Variants in PNLIPRP3 observed in about 807,000 individuals in gnomAD.
PNLIPRP3 encodes the protein pancreatic lipase-related protein 3.
Under a neutral mutation model 52.8 loss-of-function variants are expected in PNLIPRP3, and 58 were observed. The ratio of observed to expected loss-of-function variants is 1.10; its 90% CI spans 0.89 to 1.37. The LOEUF (loss-of-function observed/expected upper bound fraction) is 1.37. Among genes scored for constraint, PNLIPRP3 ranks in the 40% most tolerant of loss-of-function variants. The pLI, the probability that PNLIPRP3 is intolerant of heterozygous loss-of-function variation, is 0.00. For missense variants in PNLIPRP3, 593 were observed against 561.6 expected (o/e 1.06, Z -0.57); for synonymous variants, 192 against 185.0 (o/e 1.04, Z -0.31).
chr10:116,460,662 C>T (rs569654630), intron 5 of PNLIPRP3, among the ~76,000 whole-genome samples: 1 of 152,034 alleles, frequency 6.6e-6, no homozygotes, highest in African/African-American at 2.4e-5. Flanking sequence ...TTTCAAGAAC[C>T]TTTGTAATTC....
intron 3 of PNLIPRP3, among the ~76,000 whole-genome samples, 197 bp from the exon 4 acceptor site, chr10:116,444,185 C>T (rs1845907776): frequency 6.6e-6 from 1 of 151,994 alleles, no homozygotes; most frequent in African/African-American, 2.4e-5. Flanking sequence ...TCAATTACCT[C>T]GACCTGGTCT....
At chr10:116,467,297 CAGG>C (rs1388888979) in intron 8 of PNLIPRP3, among the ~76,000 whole-genome samples, 1 of 152,096 alleles carries the variant, frequency 6.6e-6, no homozygotes, top group East Asian at 1.9e-4. Context: ...GAGGTTGATG[CAGG>C]AGATCTCTTA....
chr10:116,433,375 T>C (rs1032530010), intron 1 of PNLIPRP3, among the ~76,000 whole-genome samples: 3 of 152,156 alleles, frequency 2.0e-5, no homozygotes, highest in South Asian at 2.1e-4. Context: ...AAACAAACTT[T>C]AGAAAAATAT....
At chr10:116,477,006 T>G in intron 11 of PNLIPRP3, 84 bp from the exon 12 acceptor site, 1 of 1,250,824 alleles carries the variant, frequency 8.0e-7, no homozygotes, top group South Asian at 1.3e-5. Flanking sequence ...TAAGAATTAC[T>G]CATTAAATCG....
intron 2 of PNLIPRP3, among the ~76,000 whole-genome samples, chr10:116,437,764 C>T: frequency 6.6e-6 from 1 of 152,110 alleles, no homozygotes; most frequent in East Asian, 1.9e-4. Context: ...CCACATGTGA[C>T]TATTAAAATT....
In PNLIPRP3 at chr10:116,428,793, G is replaced by A. The variant is rs188603104; in HGVS notation, c.49+732G>A. ...CAAACTAGAATCAAATAATTTTAATGTTGAAAGAGATCAACCCCTTTGTTG... is the reference window on the plus strand; with the variant it reads ...CAAACTAGAATCAAATAATTTTAATATTGAAAGAGATCAACCCCTTTGTTG... On this transcript the variant is annotated intron_variant, in intron 1 of 11. Transcript: ENST00000369230. Among the ~76,000 whole-genome samples, 170 of 152,236 alleles carry A rather than the reference G, an allele frequency of 1.1e-3. 2 individuals carry two copies. Among genetic ancestry groups the A allele is most frequent in the African/African-American group, 3.8e-3 (157 of 41,562 alleles).
At chr10:116,465,579 C>G (rs183748356) in intron 7 of PNLIPRP3, among the ~76,000 whole-genome samples, 1 of 152,064 alleles carries the variant, frequency 6.6e-6, no homozygotes, top group East Asian at 1.9e-4. Flanking sequence ...AAACCTTGTT[C>G]AGAAAGAACC....
intron 2 of PNLIPRP3, among the ~76,000 whole-genome samples, chr10:116,441,251 G>T (rs1845854074): frequency 6.6e-6 from 1 of 152,100 alleles, no homozygotes; most frequent in Non-Finnish European, 1.5e-5. Flanking sequence ...AGCATACCTG[G>T]ATGGAAAACA....
chr10:116,469,052 T>C, intron 8 of PNLIPRP3, 133 bp from the exon 9 acceptor site: 1 of 878,406 alleles, frequency 1.1e-6, no homozygotes, highest in Non-Finnish European at 1.6e-6. Context: ...TGGTGGCCTG[T>C]TAGGCACTTT....
chr10:116,473,808 A>T (rs113201543), intron 10 of PNLIPRP3, among the ~76,000 whole-genome samples: 11,270 of 152,186 alleles, frequency 0.074, 516 homozygotes, highest in Non-Finnish European at 0.1. Flanking sequence ...GGCCTGAGCC[A>T]CCGCACCTGG....
At position 116,450,559 on chromosome 10, in the gene PNLIPRP3, C is replaced by T. The variant is rs117732362; in HGVS notation, c.457-5163C>T. 9.1e-3 allele frequency among the ~76,000 whole-genome samples: 1,385 copies of T among 151,912 alleles called. 9 individuals are homozygous for T. The highest frequency in any genetic ancestry group is 0.013 in the Non-Finnish European group (915 of 67,952). Reference sequence around the variant, plus strand: ...TGAAAAGATGAACAACATTTACAAACCTTTAGCTAGACTAAAAAAAACTTG... The same window carrying T: ...TGAAAAGATGAACAACATTTACAAATCTTTAGCTAGACTAAAAAAAACTTG... On this transcript the variant is annotated intron_variant, in intron 4 of 11. Coordinates refer to ENST00000369230, the MANE Select transcript of PNLIPRP3 (RefSeq NM_001011709.3).
Position 116,477,330 on chromosome 10 carries a change from A to C in PNLIPRP3, c.*177A>C, listed in dbSNP as rs1367524924. On this transcript the variant is annotated 3_prime_UTR_variant, in exon 12 of 12. Transcript: ENST00000369230. ...CTGTGTAGAATGTTCATCTAACTGC[A>C]CCTTAAAAACACACTGAACCCTGGG... 2.2e-6 allele frequency: 1 copy of C among 459,654 alleles called. No individual in the cohort carries two copies. Among genetic ancestry groups the C allele is most frequent in the Non-Finnish European group, 3.8e-6 (1 of 262,650 alleles). The allele number at this position is 459,654 out of a possible 1,614,324, so 28.5% of individuals were successfully genotyped here.
At chr10:116,433,615 T>A (rs188099868) in intron 1 of PNLIPRP3, among the ~76,000 whole-genome samples, 1 of 152,260 alleles carries the variant, frequency 6.6e-6, no homozygotes, top group Admixed American at 6.5e-5. Flanking sequence ...TGACTCTCCA[T>A]CCCTTTAAGA....
intron 1 of PNLIPRP3, among the ~76,000 whole-genome samples, chr10:116,432,125 G>C (rs1056301978): frequency 6.6e-6 from 1 of 152,238 alleles, no homozygotes; most frequent in African/African-American, 2.4e-5. Flanking sequence ...TACTCCATGA[G>C]GGCTAGAATT....
At position 116,469,318 on chromosome 10, in the gene PNLIPRP3, G is replaced by A. The variant is rs753678221; in HGVS notation, c.1060+1G>A. 2.6e-5 allele frequency: 42 copies of A among 1,597,824 alleles called. No homozygotes were observed. The highest frequency in any genetic ancestry group is 2.3e-4 in the East Asian group (10 of 44,162). ...ACAGGGTCCCTTTCCCCATTTGCCC[G>A]TAAGTATCATAGCTAAGTTTAATTG... On this transcript the variant is annotated splice_donor_variant, in intron 9 of 11. Transcript: ENST00000369230. LOFTEE classifies it high-confidence loss of function.
At chr10:116,463,183 T>C (rs1187194062) in intron 7 of PNLIPRP3, among the ~76,000 whole-genome samples, 1 of 147,592 alleles carries the variant, frequency 6.8e-6, no homozygotes. Context: ...AGTTCTCTAT[T>C]GTGTAACAAA....
At chr10:116,445,558 T>A (rs201007733) in intron 4 of PNLIPRP3, among the ~76,000 whole-genome samples, 147 of 148,900 alleles carry the variant, frequency 9.9e-4, no homozygotes, top group African/African-American at 2.7e-3. Context: ...CTTCTCTTTA[T>A]AAAAAAAAAA....
In PNLIPRP3 at chr10:116,429,452, G is replaced by A. The variant is rs190248746; in HGVS notation, c.49+1391G>A. 1.1e-3 allele frequency among the ~76,000 whole-genome samples: 168 copies of A among 152,244 alleles called. 1 individual carries two copies. The highest frequency in any genetic ancestry group is 1.7e-3 in the Admixed American group (26 of 15,290). ...AGTAGTGAGCAATCAATAAATGTTC[G>A]CTCTTATTTACACAGATGAAGAAAA... On this transcript the variant is annotated intron_variant, in intron 1 of 11. Transcript: ENST00000369230.
chr10:116,431,387 C>A (rs924307889), intron 1 of PNLIPRP3, among the ~76,000 whole-genome samples: 27 of 152,240 alleles, frequency 1.8e-4, no homozygotes, highest in Non-Finnish European at 3.2e-4. Flanking sequence ...CTAGCATTAA[C>A]CCCTGCTCCT....
Sources: gnomAD v4.1 joint callset for allele counts (sites outside exome capture counted in the v4.1 genomes callset) on GRCh38, gnomAD v4.1.1 for gene constraint, MANE v1.5 for transcripts, NCBI Gene and HGNC (gene_info 2026-07-23, HGNC 2026-07-21) for gene names.